The following MAL2 variants were observed in gnomAD, a reference collection of about 807,000 sequenced individuals.
The protein encoded by MAL2 is mal, T cell differentiation protein 2, also known as protein MAL2.
MAL2 carries 17 observed loss-of-function variants against 18.1 expected under a neutral mutation model. That is an observed-to-expected ratio of 0.94 (90% CI 0.64 to 1.41). The LOEUF (loss-of-function observed/expected upper bound fraction) is 1.41. Among genes scored for constraint, MAL2 ranks in the 40% most tolerant of loss-of-function variants. The probability of loss-of-function intolerance (pLI) is 0.00; values close to 1 mark genes in which losing one functional copy is unlikely to be tolerated. For missense variants in MAL2, 222 were observed against 231.9 expected, an observed-to-expected ratio of 0.96 and a Z score of 0.28; for synonymous variants, 102 against 102.3, an observed-to-expected ratio of 1.00 and a Z score of 0.02.
intron 2 of MAL2, among the ~76,000 whole-genome samples, chr8:119,229,489 T>TTTTAG (rs1817668391): frequency 6.6e-6 from 1 of 152,098 alleles, no homozygotes; most frequent in Non-Finnish European, 1.5e-5. Context: ...ATTTTTGTAT[T>TTTTAG]TTTAGTAGAG....
At chr8:119,236,622 C>T (rs1471271480) in intron 2 of MAL2, among the ~76,000 whole-genome samples, 5 of 151,760 alleles carry the variant, frequency 3.3e-5, no homozygotes, top group Non-Finnish European at 7.4e-5. Context: ...CAAACTAGAA[C>T]TCAGGATTAA....
chr8:119,238,083 C>T (rs1817952907), intron 2 of MAL2, among the ~76,000 whole-genome samples: 1 of 152,240 alleles, frequency 6.6e-6, no homozygotes, highest in South Asian at 2.1e-4. Context: ...GCAACTTCAG[C>T]AAAGTCTCAG....
intron 2 of MAL2, among the ~76,000 whole-genome samples, chr8:119,236,974 A>G (rs1376750686): frequency 1.3e-5 from 2 of 151,432 alleles, no homozygotes; most frequent in African/African-American, 4.9e-5. Flanking sequence ...GAGACACAAA[A>G]AACCCTTCAA....
intron 2 of MAL2, among the ~76,000 whole-genome samples, chr8:119,233,307 G>A (rs1817776766): frequency 6.6e-6 from 1 of 151,950 alleles, no homozygotes; most frequent in African/African-American, 2.4e-5. Context: ...GCTAGCAGAA[G>A]GCAAGAAATA....
chr8:119,209,382 G>A (rs1012674895), intron 1 of MAL2, among the ~76,000 whole-genome samples: 1 of 152,168 alleles, frequency 6.6e-6, no homozygotes, highest in Admixed American at 6.5e-5. Flanking sequence ...TAAAGGTGGG[G>A]TTACCTGCCT....
chr8:119,218,277 G>A (rs368520679), intron 1 of MAL2, among the ~76,000 whole-genome samples: 1 of 152,242 alleles, frequency 6.6e-6, no homozygotes, highest in South Asian at 2.1e-4. Flanking sequence ...CCACAAGTGA[G>A]GAGGTGAATC....
chr8:119,227,474 G>A (rs1817619886), intron 2 of MAL2, among the ~76,000 whole-genome samples: 1 of 152,172 alleles, frequency 6.6e-6, no homozygotes, highest in Admixed American at 6.6e-5. Flanking sequence ...AGAGTTTTGT[G>A]TTGGGCACAA....
chr8:119,220,051 TG>T (rs1817438350), intron 1 of MAL2, among the ~76,000 whole-genome samples: 1 of 152,100 alleles, frequency 6.6e-6, no homozygotes, highest in Non-Finnish European at 1.5e-5. Context: ...AGGGGCATAG[TG>T]GCAAGAGACA....
chr8:119,220,894 T>C (rs768592088), intron 1 of MAL2, among the ~76,000 whole-genome samples: 15 of 152,318 alleles, frequency 9.8e-5, no homozygotes, highest in Admixed American at 5.9e-4. Flanking sequence ...TCTAATAGAC[T>C]GTGAGTTCTG....
chr8:119,225,456 A>G (rs1193441234), intron 2 of MAL2, among the ~76,000 whole-genome samples: 1 of 152,104 alleles, frequency 6.6e-6, no homozygotes, highest in Non-Finnish European at 1.5e-5. Flanking sequence ...ACATGAACTC[A>G]TTTTTTATGG....
At chr8:119,221,810 C>G in intron 2 of MAL2, 53 bp downstream of exon 2, 13 of 1,574,182 alleles carry the variant, frequency 8.3e-6, no homozygotes, top group Middle Eastern at 1.7e-4. Flanking sequence ...AAACCTGTAT[C>G]CTATTCTGTT....
At chr8:119,219,567 C>CAGAG (rs142374180) in intron 1 of MAL2, among the ~76,000 whole-genome samples, 1 of 142,436 alleles carries the variant, frequency 7.0e-6, no homozygotes, top group African/African-American at 2.7e-5. Context: ...GAGAGAGAGA[C>CAGAG]AGAGAGAGAG....
intron 2 of MAL2, among the ~76,000 whole-genome samples, chr8:119,222,730 A>G (rs1382199898): frequency 6.6e-6 from 1 of 151,188 alleles, no homozygotes; most frequent in Non-Finnish European, 1.5e-5. Flanking sequence ...CAGGAAGTTG[A>G]GGCAGGAGGA....
At chr8:119,228,488 A>C (rs1389422467) in intron 2 of MAL2, among the ~76,000 whole-genome samples, 2 of 152,160 alleles carry the variant, frequency 1.3e-5, no homozygotes, top group Non-Finnish European at 2.9e-5. Context: ...TATCTACTGC[A>C]TCCTAAAGGA....
intron 3 of MAL2, among the ~76,000 whole-genome samples, chr8:119,241,437 G>T (rs1463517813): frequency 1.3e-5 from 2 of 152,236 alleles, no homozygotes; most frequent in Non-Finnish European, 2.9e-5. Context: ...CTACTCAGGA[G>T]GCGGAGGTTG....
chr8:119,239,106 T>G (rs1237029749), intron 2 of MAL2, among the ~76,000 whole-genome samples: 2 of 150,624 alleles, frequency 1.3e-5, no homozygotes, highest in Non-Finnish European at 3.0e-5. Flanking sequence ...CATCAAAAAG[T>G]GGGTGAAGGA....
rs1201930132 is a variant in MAL2 at position 119,220,118 on chromosome 8, A to G, written c.133-1469A>G. Among the ~76,000 whole-genome samples the G allele has an allele frequency of 4.6e-5, 7 of 152,206 alleles. No individual in the cohort carries two copies. The East Asian group carries it at 1.3e-3, about 29-fold the overall frequency. Reference sequence around the variant, plus strand: ...GGCTTGGAATGCCAGGCATGGTAGTATGGAGGAGACCAATGGTGATAGATG... The same window carrying G: ...GGCTTGGAATGCCAGGCATGGTAGTGTGGAGGAGACCAATGGTGATAGATG... On this transcript the variant is annotated intron_variant, in intron 1 of 3. Transcript: ENST00000614891.
chr8:119,219,546 TGTGTGTGTGAGA>T (rs1244340499), intron 1 of MAL2, among the ~76,000 whole-genome samples: 1 of 120,442 alleles, frequency 8.3e-6, no homozygotes, highest in African/African-American at 3.5e-5. Flanking sequence ...TGTGTGTGTG[TGTGTGTGTGAGA>T]GAGAGAGACA....
intron 2 of MAL2, among the ~76,000 whole-genome samples, chr8:119,232,840 A>ATTGG (rs1163839323): frequency 0.015 from 2,219 of 152,254 alleles, no homozygotes; most frequent in African/African-American, 0.051. Flanking sequence ...TCTTAATCCA[A>ATTGG]ATTAAAATTA....
Sources: allele counts gnomAD v4.1 joint callset (sites outside exome capture counted in the v4.1 genomes callset), GRCh38; gene constraint gnomAD v4.1.1; transcripts MANE v1.5; gene names NCBI Gene and HGNC (gene_info 2026-07-23, HGNC 2026-07-21).